Variants in AKAP12 observed in about 807,000 individuals in gnomAD.
The protein encoded by AKAP12 is A-kinase anchor protein 12.
A neutral mutation model predicts 79.9 loss-of-function variants in AKAP12; 32 were observed. That is an observed-to-expected ratio of 0.40 (90% CI 0.30 to 0.54). The LOEUF (loss-of-function observed/expected upper bound fraction) is 0.54. Among genes scored for constraint, AKAP12 ranks in the 20% least tolerant of loss-of-function variants. The pLI, the probability that AKAP12 is intolerant of heterozygous loss-of-function variation, is 0.48. For synonymous variants in AKAP12, 808 were observed against 857.0 expected (o/e 0.94, Z 1.00); for missense variants, 2,074 against 2,177.0 (o/e 0.95, Z 0.94).
Position 151,351,499 on chromosome 6 carries a change from G to A in AKAP12, c.3108G>A (p.Glu1036=). 1 of 1,614,192 alleles carries A rather than the reference G, an allele frequency of 6.2e-7. No homozygotes were observed. The highest frequency in any genetic ancestry group is 1.1e-5 in the South Asian group (1 of 91,092). The change falls in exon 4 of 5, where the codon GAG becomes GAA. Residue 1036 remains glutamate, a synonymous_variant. Transcript: ENST00000402676. This position sits in a 1 kb window ranked among gnomAD's most constrained non-coding sequence, Gnocchi z 4.4. ...EGGVPDIEEQ[E]RRTQEVLQAV... is the part of the protein sequence containing the mutation. Reference sequence around the variant, plus strand: ...GCGTACCTGACATAGAAGAGCAAGAGAGGCGGACTCAAGAGGTCCTCCAGG... The same window carrying A: ...GCGTACCTGACATAGAAGAGCAAGAAAGGCGGACTCAAGAGGTCCTCCAGG...
At chr6:151,267,507 A>C (rs932569358) in intron 2 of AKAP12, among the ~76,000 whole-genome samples, 10 of 152,222 alleles carry the variant, frequency 6.6e-5, no homozygotes, top group African/African-American at 1.9e-4. Flanking sequence ...GACACATCAC[A>C]GTGTGGAAGA....
chr6:151,348,834 A>C lies in AKAP12; in HGVS notation c.443A>C (p.Gln148Pro). 2 of 1,614,216 alleles carry C rather than the reference A, an allele frequency of 1.2e-6. No homozygotes were observed. Among genetic ancestry groups the C allele is most frequent in the Middle Eastern group, 3.3e-4 (2 of 6,062 alleles). The part of the protein sequence containing the change: ...GQEETPEIIE[Q>P]IPSSESNLEE... Reference sequence around the variant, plus strand: ...GAGGAGACACCCGAAATAATCGAACAGATTCCTTCTTCAGAAAGCAATTTA... The same window carrying C: ...GAGGAGACACCCGAAATAATCGAACCGATTCCTTCTTCAGAAAGCAATTTA... Residue 148 changes from glutamine to proline, a missense_variant, in exon 4 of 5, where the codon CAG (glutamine) becomes CCG (proline). Gln to Pro is a moderately conservative substitution (Grantham distance 76). Around this residue, in one of 3 missense-constraint regions of AKAP12, gnomAD observed 1,428 missense variants for 1,451.0 expected, o/e 0.98. Coordinates refer to ENST00000402676, the MANE Select transcript of AKAP12 (RefSeq NM_005100.4).
intron 2 of AKAP12, among the ~76,000 whole-genome samples, chr6:151,244,498 T>C (rs1331634789): frequency 6.6e-6 from 1 of 152,002 alleles, no homozygotes; most frequent in Non-Finnish European, 1.5e-5. Context: ...CACTCCAATC[T>C]GGGCAACAGA....
At chr6:151,267,656 A>G (rs1313852470) in intron 2 of AKAP12, among the ~76,000 whole-genome samples, 1 of 152,192 alleles carries the variant, frequency 6.6e-6, no homozygotes, top group Non-Finnish European at 1.5e-5. Context: ...ACAAACAACA[A>G]GATTTTGTGT....
At chr6:151,309,870 C>T (rs916530259) in intron 3 of AKAP12, among the ~76,000 whole-genome samples, 4 of 152,088 alleles carry the variant, frequency 2.6e-5, no homozygotes, top group Admixed American at 2.0e-4. Flanking sequence ...TGGGCTTCCT[C>T]TCCCTAACTA....
chr6:151,250,556 C>T (rs191826422), intron 2 of AKAP12, among the ~76,000 whole-genome samples: 67 of 151,294 alleles, frequency 4.4e-4, no homozygotes, highest in Admixed American at 1.9e-3. Context: ...TTCTTTTAAG[C>T]TTAGCTTGTT....
At chr6:151,254,692 T>A (rs918197695) in intron 2 of AKAP12, among the ~76,000 whole-genome samples, 4 of 152,188 alleles carry the variant, frequency 2.6e-5, no homozygotes, top group Non-Finnish European at 4.4e-5. Context: ...TTAGCCTTGA[T>A]TAAGACAACG....
rs1797147557 is a variant in AKAP12 at position 151,250,214 on chromosome 6, A to G, written c.162+9490A>G. ...GACCCTGTCTCAAAAAAATAAATAA[A>G]TAGGCTGGGCGTTGTGGCTCACGCG... is the stretch of plus-strand genomic sequence containing the variant. On this transcript the variant is annotated intron_variant, in intron 2 of 4. Coordinates refer to ENST00000402676, the MANE Select transcript of AKAP12 (RefSeq NM_005100.4). Among the ~76,000 whole-genome samples, 2 of 152,004 alleles carry G rather than the reference A, an allele frequency of 1.3e-5. 1 individual carries two copies. Among genetic ancestry groups the G allele is most frequent in the South Asian group, 4.1e-4 (2 of 4,832 alleles).
chr6:151,344,423 A>C (rs1010396094), intron 3 of AKAP12, among the ~76,000 whole-genome samples: 1 of 152,146 alleles, frequency 6.6e-6, no homozygotes, highest in African/African-American at 2.4e-5. Context: ...GAAAAAAAGA[A>C]CTTTAGCATA....
intron 2 of AKAP12, among the ~76,000 whole-genome samples, chr6:151,249,395 G>T (rs1797133763): frequency 1.3e-5 from 2 of 152,166 alleles, no homozygotes; most frequent in South Asian, 2.1e-4. Context: ...GCCAAGGCTG[G>T]TCTCGAACTC....
At chr6:151,283,019 A>G (rs777495245) in intron 2 of AKAP12, among the ~76,000 whole-genome samples, 3 of 152,156 alleles carry the variant, frequency 2.0e-5, no homozygotes, top group Non-Finnish European at 2.9e-5. Context: ...TTTCTTTCTT[A>G]CTTCTCGGCC....
chr6:151,305,921 G>T lies in AKAP12; in HGVS notation c.319+18G>T. The T allele has an allele frequency of 1.3e-6, 2 of 1,589,838 alleles. No individual in the cohort carries two copies. The highest frequency in any genetic ancestry group is 2.3e-5 in the East Asian group (1 of 43,834). Reference sequence around the variant, plus strand: ...CACAGAGGGTAAGCCGCCCCTCCAGGAACTGGAAGGCACACAGCACTTGCA... The same window carrying T: ...CACAGAGGGTAAGCCGCCCCTCCAGTAACTGGAAGGCACACAGCACTTGCA... On this transcript the variant is annotated intron_variant, in intron 3 of 4. Coordinates refer to ENST00000402676, the MANE Select transcript of AKAP12 (RefSeq NM_005100.4).
At chr6:151,348,685 A>ACCCCCCCC in intron 3 of AKAP12, 26 bp from the exon 4 acceptor site, 6 of 164,742 alleles carry the variant, frequency 3.6e-5, no homozygotes, top group South Asian at 4.1e-5. Flanking sequence ...TCTTCTCCCC[A>ACCCCCCCC]CCCCCCCGCC....
chr6:151,277,761 G>A (rs1161064028), intron 2 of AKAP12, among the ~76,000 whole-genome samples: 1 of 152,118 alleles, frequency 6.6e-6, no homozygotes, highest in African/African-American at 2.4e-5. Context: ...ATGTGAATAA[G>A]AATATAATCA....
At chr6:151,270,826 G>A (rs191193890) in intron 2 of AKAP12, among the ~76,000 whole-genome samples, 3 of 152,118 alleles carry the variant, frequency 2.0e-5, no homozygotes, top group African/African-American at 2.4e-5. Flanking sequence ...TGGTAGTCTC[G>A]TATGCCAAAC....
chr6:151,315,001 G>A (rs894011840), intron 3 of AKAP12, among the ~76,000 whole-genome samples: 1 of 149,142 alleles, frequency 6.7e-6, no homozygotes, highest in Non-Finnish European at 1.5e-5. Context: ...GCAATGAGCC[G>A]AGATCACACC....
chr6:151,248,578 G>A (rs780455695), intron 2 of AKAP12, among the ~76,000 whole-genome samples: 12 of 152,202 alleles, frequency 7.9e-5, no homozygotes, highest in Non-Finnish European at 1.6e-4. Context: ...ACTTGTGTGG[G>A]TGAGAGGGAC....
In AKAP12 at chr6:151,280,243, C is replaced by A. The variant is rs548848483; in HGVS notation, c.163-25504C>A. Among the ~76,000 whole-genome samples, 6 of 151,882 alleles carry A rather than the reference C, an allele frequency of 4.0e-5. No individual in the cohort carries two copies. In the East Asian group the frequency reaches 9.7e-4, roughly 24 times the overall value. On this transcript the variant is annotated intron_variant, in intron 2 of 4. Coordinates refer to ENST00000402676, the MANE Select transcript of AKAP12 (RefSeq NM_005100.4). ...CATTTAAGTTGATTCTGATGATCTC[C>A]TATTACAAGTAATGCTGAAATGAAC...
At chr6:151,299,648 C>T (rs1186474508) in intron 2 of AKAP12, among the ~76,000 whole-genome samples, 1 of 152,124 alleles carries the variant, frequency 6.6e-6, no homozygotes, top group African/African-American at 2.4e-5. Context: ...AAGCCAGGGA[C>T]ATCTTCACAC....
Sources: allele counts gnomAD v4.1 joint callset (sites outside exome capture counted in the v4.1 genomes callset), GRCh38; gene constraint gnomAD v4.1.1; regional missense constraint gnomAD v4.1.1; non-coding constraint Gnocchi (gnomAD v3.1); transcripts MANE v1.5; gene names NCBI Gene and HGNC (gene_info 2026-07-23, HGNC 2026-07-21).